ZDHHC21: variants seen among roughly 807,000 people sequenced by gnomAD.
The protein encoded by ZDHHC21 is zDHHC palmitoyltransferase 21.
Under a neutral mutation model 34.6 loss-of-function variants are expected in ZDHHC21, and 15 were observed. The observed-to-expected ratio is 0.43, with a 90% confidence interval of 0.29 to 0.67. ZDHHC21 has a LOEUF of 0.67. ZDHHC21 is among the 30% of genes least tolerant of loss of function. The probability of loss-of-function intolerance (pLI) is 0.14; values close to 1 mark genes in which losing one functional copy is unlikely to be tolerated. For synonymous variants in ZDHHC21, 142 were observed against 101.8 expected (o/e 1.40, Z -2.38); for missense variants, 344 against 327.7 (o/e 1.05, Z -0.38).
chr9:14,645,248 C>T (rs1322092443), intron 7 of ZDHHC21, among the ~76,000 whole-genome samples: 1 of 151,844 alleles, frequency 6.6e-6, no homozygotes, highest in Non-Finnish European at 1.5e-5. Context: ...TATTGTCTCT[C>T]CACAAGGAGA....
At chr9:14,605,519 A>AT in the ZDHHC21 span, among the ~76,000 whole-genome samples, 1 of 152,072 alleles carries the variant, frequency 6.6e-6, no homozygotes, top group Admixed American at 6.6e-5. Flanking sequence ...TTTGCCCATT[A>AT]TTTAATCAGT....
At chr9:14,609,942 T>C (rs1271538570), downstream of ZDHHC21, among the ~76,000 whole-genome samples, 2 of 152,100 alleles carry the variant, frequency 1.3e-5, no homozygotes, top group African/African-American at 4.8e-5. Context: ...AACAATTCAA[T>C]TGGTCTAATG....
In ZDHHC21 at chr9:14,689,232, T is replaced by C. The variant is rs181263807; in HGVS notation, c.-176+1105A>G. Among the ~76,000 whole-genome samples the C allele has an allele frequency of 3.3e-5, 5 of 152,330 alleles. No individual in the cohort carries two copies. In the East Asian group the frequency reaches 9.6e-4, roughly 29 times the overall value. On this transcript the variant is annotated intron_variant, in intron 2 of 9. Transcript: ENST00000380916. The stretch of plus-strand genomic sequence containing the variant: ...AAGAAGAAAACCGAAAATAGAGATT[T>C]GATCTAAAATAGAATGAATGAACTG...
chr9:14,607,762 G>A (rs538047006), downstream of ZDHHC21, among the ~76,000 whole-genome samples: 2 of 152,170 alleles, frequency 1.3e-5, no homozygotes, highest in African/African-American at 4.8e-5. Flanking sequence ...TTAAAACAGC[G>A]TTCACCTCTG....
At chr9:14,631,173 C>T (rs577683909) in intron 8 of ZDHHC21, among the ~76,000 whole-genome samples, 2 of 152,194 alleles carry the variant, frequency 1.3e-5, no homozygotes, top group African/African-American at 4.8e-5. Flanking sequence ...TTTTGTGTGG[C>T]CACCTTGATT....
At chr9:14,679,268 A>G (rs147198337) in intron 3 of ZDHHC21, among the ~76,000 whole-genome samples, 9 of 152,326 alleles carry the variant, frequency 5.9e-5, no homozygotes, top group African/African-American at 2.2e-4. Flanking sequence ...TTAATAACAT[A>G]GTGGACAGAA....
At chr9:14,600,819 C>G in the ZDHHC21 span, among the ~76,000 whole-genome samples, 2 of 152,146 alleles carry the variant, frequency 1.3e-5, no homozygotes, top group Admixed American at 6.5e-5. Flanking sequence ...ACCAATGGAA[C>G]AGAACAGAGG....
intron 5 of ZDHHC21, among the ~76,000 whole-genome samples, chr9:14,664,000 G>A (rs895982333): frequency 6.6e-6 from 1 of 152,136 alleles, no homozygotes; most frequent in East Asian, 1.9e-4. Context: ...AATTCGGGGG[G>A]AGGAGCCAAG....
In ZDHHC21 at chr9:14,680,065, T is replaced by G. The variant is rs1055372584; in HGVS notation, c.-78A>C. 6 of 152,564 alleles carry G rather than the reference T, an allele frequency of 3.9e-5. No homozygotes were observed. Among genetic ancestry groups the G allele is most frequent in the African/African-American group, 1.4e-4 (6 of 41,436 alleles). The allele number at this position is 152,564 out of a possible 1,614,324, so 9.5% of individuals were successfully genotyped here. A position where few individuals can be genotyped will look rare whatever the true frequency, so the allele number is the denominator to read the frequency against. Reference sequence around the variant, plus strand: ...AAATTCACTGAGATGTGCTGTAATTTTTCTGGAATCTGCATTTAGAGATTT... The same window carrying G: ...AAATTCACTGAGATGTGCTGTAATTGTTCTGGAATCTGCATTTAGAGATTT... On this transcript the variant is annotated 5_prime_UTR_variant, in exon 3 of 10. Coordinates refer to ENST00000380916, the MANE Select transcript of ZDHHC21 (RefSeq NM_178566.6).
chr9:14,663,422 G>C (rs1833753278), intron 5 of ZDHHC21, among the ~76,000 whole-genome samples: 1 of 149,380 alleles, frequency 6.7e-6, no homozygotes, highest in South Asian at 2.1e-4. Context: ...ATCAAAAAAT[G>C]AAAGATTCTA....
chr9:14,620,546 T>C (rs1397288428), intron 8 of ZDHHC21, among the ~76,000 whole-genome samples: 1 of 117,538 alleles, frequency 8.5e-6, no homozygotes, highest in East Asian at 2.3e-4. Context: ...CTTAACACTT[T>C]GTTTATACAT....
At chr9:14,638,316 G>A (rs1828675691) in intron 8 of ZDHHC21, among the ~76,000 whole-genome samples, 1 of 151,954 alleles carries the variant, frequency 6.6e-6, no homozygotes, top group African/African-American at 2.4e-5. Flanking sequence ...GAGAAGTGCT[G>A]GGAAAATTGG....
Position 14,612,800 on chromosome 9 carries a change from A to G in ZDHHC21, c.*6166T>C, listed in dbSNP as rs1388579492. On this transcript the variant is annotated 3_prime_UTR_variant, in exon 10 of 10. Transcript: ENST00000380916. ...AGGTGTTCTGTTATCTTTATTTGCA[A>G]AGTAGACAAATGGCAATATTATTCT... The G allele has an allele frequency of 1.3e-5, 2 of 150,946 alleles. No individual in the cohort carries two copies. Among genetic ancestry groups the G allele is most frequent in the South Asian group, 2.1e-4 (1 of 4,782 alleles). 9.4% of individuals were successfully genotyped at this position (150,946 alleles called of 1,614,324 possible).
At chr9:14,608,564 G>A (rs866351218), downstream of ZDHHC21, among the ~76,000 whole-genome samples, 1 of 152,078 alleles carries the variant, frequency 6.6e-6, no homozygotes, top group Non-Finnish European at 1.5e-5. Flanking sequence ...TTCTTGTTTG[G>A]AGAAGGGGCC....
At chr9:14,667,436 T>C (rs1031029313) in intron 5 of ZDHHC21, among the ~76,000 whole-genome samples, 96 of 152,136 alleles carry the variant, frequency 6.3e-4, no homozygotes, top group East Asian at 5.8e-4. Context: ...GAGGAACTGA[T>C]ACCCTTCCTT....
At chr9:14,627,587 C>G (rs1320462208) in intron 8 of ZDHHC21, among the ~76,000 whole-genome samples, 2 of 152,110 alleles carry the variant, frequency 1.3e-5, no homozygotes, top group East Asian at 3.8e-4. Flanking sequence ...CCAGAGACAT[C>G]ATCAAAAGCT....
chr9:14,620,455 T>C (rs1825112352), intron 8 of ZDHHC21, among the ~76,000 whole-genome samples: 1 of 152,062 alleles, frequency 6.6e-6, no homozygotes, highest in Admixed American at 6.6e-5. Flanking sequence ...TTAAATATAT[T>C]TTGAAACAGT....
intron 5 of ZDHHC21, among the ~76,000 whole-genome samples, chr9:14,668,740 A>G (rs1340402093): frequency 1.5e-5 from 2 of 132,974 alleles, no homozygotes; most frequent in African/African-American, 2.8e-5. Context: ...TGAGAAAAAC[A>G]AGCAATGGGG....
chr9:14,622,314 T>C (rs1329886519), intron 8 of ZDHHC21, among the ~76,000 whole-genome samples: 1 of 151,972 alleles, frequency 6.6e-6, no homozygotes, highest in East Asian at 1.9e-4. Context: ...TTCTGATGGG[T>C]GATCTTACAT....
Sources: allele counts gnomAD v4.1 joint callset (sites outside exome capture counted in the v4.1 genomes callset), GRCh38; gene constraint gnomAD v4.1.1; transcripts MANE v1.5; gene names NCBI Gene and HGNC (gene_info 2026-07-23, HGNC 2026-07-21).